Variants in PLXNA2 observed in about 807,000 individuals in gnomAD.
PLXNA2 encodes the protein plexin A2, also known as plexin-A2.
Under a neutral mutation model 193.5 loss-of-function variants are expected in PLXNA2, and 91 were observed. The ratio of observed to expected loss-of-function variants is 0.47; its 90% confidence interval spans 0.40 to 0.56. PLXNA2 has a LOEUF of 0.56. Ranked by LOEUF, PLXNA2 falls within the 20% of genes least tolerant of loss-of-function variation. PLXNA2 has a pLI of 0.00. For missense variants in PLXNA2, 1,995 were observed against 2,503.2 expected (o/e 0.80, Z 4.33); for synonymous variants, 997 against 1,027.3 (o/e 0.97, Z 0.56).
Position 208,027,991 on chromosome 1 carries a change from G to T in PLXNA2, c.5589+18C>A. 1 of 1,546,936 alleles carries T rather than the reference G, an allele frequency of 6.5e-7. No homozygotes were observed. ...TCCTTGCCTGTTGGTTTCTGTCCCT[G>T]CTGGGGCCCTGTCTCACCTCCTCAC... On this transcript the variant is annotated intron_variant, in intron 31 of 31. Transcript: ENST00000367033.
At chr1:208,167,822 A>C (rs1669358894) in intron 3 of PLXNA2, among the ~76,000 whole-genome samples, 2 of 152,198 alleles carry the variant, frequency 1.3e-5, no homozygotes, top group South Asian at 4.1e-4. Context: ...CTGTCGTTGA[A>C]ACCCCACACA....
chr1:208,164,581 T>C (rs916118279), intron 3 of PLXNA2, among the ~76,000 whole-genome samples: 3 of 152,186 alleles, frequency 2.0e-5, no homozygotes, highest in Non-Finnish European at 2.9e-5. Context: ...CTGATACCCT[T>C]AGAAGTGGAA....
chr1:208,196,300 T>A (rs867165170), intron 3 of PLXNA2, among the ~76,000 whole-genome samples: 9 of 152,144 alleles, frequency 5.9e-5, no homozygotes, highest in Non-Finnish European at 1.2e-4. Context: ...ACTTGAGGAC[T>A]CAACCAAACA....
At chr1:208,039,073 A>G (rs778975809) in intron 24 of PLXNA2, 89 bp from the exon 25 acceptor site, 146 of 1,227,246 alleles carry the variant, frequency 1.2e-4, no homozygotes, top group Non-Finnish European at 1.6e-4. Flanking sequence ...TTCTTTTTCC[A>G]AAGTTCACCC....
intron 12 of PLXNA2, among the ~76,000 whole-genome samples, chr1:208,064,272 G>C (rs1445508251): frequency 1.3e-5 from 2 of 152,242 alleles, no homozygotes; most frequent in Admixed American, 6.5e-5. Context: ...CTACTTTCCA[G>C]TAGCTGCCAG....
chr1:208,079,490 GGCTGCTCACAAT>G, intron 11 of PLXNA2, 40 bp from the exon 12 acceptor site: 4 of 1,486,810 alleles, frequency 2.7e-6, no homozygotes, highest in Non-Finnish European at 3.7e-6. Flanking sequence ...AACCAGAAAG[GGCTGCTCACAAT>G]GCACCCTCCT....
intron 4 of PLXNA2, among the ~76,000 whole-genome samples, chr1:208,131,647 A>T (rs551631089): frequency 1.1e-4 from 16 of 152,260 alleles, no homozygotes; most frequent in Non-Finnish European, 1.9e-4. Context: ...TTGAGCTGAT[A>T]TGGGTTTGCA....
At chr1:208,228,137 C>T (rs1183108597) in intron 1 of PLXNA2, among the ~76,000 whole-genome samples, 1 of 152,128 alleles carries the variant, frequency 6.6e-6, no homozygotes, top group East Asian at 1.9e-4. Context: ...ATGTTAATGG[C>T]TCCCAGGAGA....
At chr1:208,030,332 C>A (rs1379547562) in intron 29 of PLXNA2, 2 of 985,480 alleles carry the variant, frequency 2.0e-6, no homozygotes, top group Non-Finnish European at 2.4e-6. Flanking sequence ...TTGGATCTGG[C>A]CAGCACACAG....
chr1:208,140,425 G>A (rs1349068613), intron 4 of PLXNA2, among the ~76,000 whole-genome samples: 1 of 152,102 alleles, frequency 6.6e-6, no homozygotes, highest in Non-Finnish European at 1.5e-5. Flanking sequence ...TTCCCACTTT[G>A]CTGGGCTCAG....
chr1:208,091,848 G>A (rs188947555), intron 9 of PLXNA2, among the ~76,000 whole-genome samples: 17 of 136,526 alleles, frequency 1.2e-4, no homozygotes, highest in East Asian at 6.8e-4. Context: ...CCAGCCTGGC[G>A]ATAGAGCGAG....
chr1:208,158,498 C>A (rs1669006893), intron 3 of PLXNA2, among the ~76,000 whole-genome samples: 1 of 152,210 alleles, frequency 6.6e-6, no homozygotes, highest in Non-Finnish European at 1.5e-5. Flanking sequence ...ACACCAGCCC[C>A]AGAGCATGGG....
intron 10 of PLXNA2, 25 bp downstream of exon 10, chr1:208,084,355 C>A (rs1244603764): frequency 6.2e-7 from 1 of 1,612,216 alleles, no homozygotes; most frequent in Admixed American, 1.7e-5. Context: ...CTGCTCCAGG[C>A]AGGGCCCAGC....
chr1:208,041,512 T>G (rs950570687), intron 22 of PLXNA2, among the ~76,000 whole-genome samples: 1 of 152,212 alleles, frequency 6.6e-6, no homozygotes, highest in Non-Finnish European at 1.5e-5. Flanking sequence ...AGCTCAGTGC[T>G]GCGCAATAGA....
chr1:208,045,806 C>A, intron 18 of PLXNA2, 72 bp downstream of exon 18: 1 of 1,564,762 alleles, frequency 6.4e-7, no homozygotes, highest in Non-Finnish European at 8.7e-7. Flanking sequence ...GAAAGAAAGT[C>A]AGGCCAGGAG....
chr1:208,243,694 C>G lies in PLXNA2; in HGVS notation c.-132G>C, dbSNP rs560622731. The G allele has an allele frequency of 2.0e-5, 3 of 152,354 alleles. No individual in the cohort carries two copies. The highest frequency in any genetic ancestry group is 4.4e-5 in the Non-Finnish European group (3 of 68,034). The allele number at this position is 152,354 out of a possible 1,614,324, so 9.4% of individuals were successfully genotyped here. ...TCCGTCCCCGCTCGGTCTACCTCGG[C>G]CGCCGCCGGCTGCTGAGGGCGGCGC... On this transcript the variant is annotated 5_prime_UTR_variant, in exon 1 of 32. Coordinates refer to ENST00000367033, the MANE Select transcript of PLXNA2 (RefSeq NM_025179.4).
At chr1:208,035,332 C>T (rs1036179784) in intron 26 of PLXNA2, among the ~76,000 whole-genome samples, 4 of 152,244 alleles carry the variant, frequency 2.6e-5, no homozygotes, top group African/African-American at 7.2e-5. Flanking sequence ...TTTCGAGTCA[C>T]ACTGGTCTGA....
chr1:208,225,449 C>T (rs1224034885), intron 1 of PLXNA2, among the ~76,000 whole-genome samples: 1 of 152,016 alleles, frequency 6.6e-6, no homozygotes, highest in East Asian at 1.9e-4. Flanking sequence ...ATCTGTGGGG[C>T]CACAGGCACC....
chr1:208,137,124 A>C (rs759109542), intron 4 of PLXNA2, among the ~76,000 whole-genome samples: 1 of 152,128 alleles, frequency 6.6e-6, no homozygotes, highest in Non-Finnish European at 1.5e-5. Flanking sequence ...CTTGAAGTAG[A>C]GAACAGAATC....
Sources: allele counts gnomAD v4.1 joint callset (sites outside exome capture counted in the v4.1 genomes callset), GRCh38; gene constraint gnomAD v4.1.1; transcripts MANE v1.5; gene names NCBI Gene and HGNC (gene_info 2026-07-23, HGNC 2026-07-21).